The following TRERF1 variants were observed in gnomAD, a reference collection of about 807,000 sequenced individuals.
The protein encoded by TRERF1 is transcriptional regulating factor 1.
In TRERF1, 27 loss-of-function variants were observed where a neutral mutation model predicts 122.9. The ratio of observed to expected loss-of-function variants is 0.22; its 90% confidence interval spans 0.16 to 0.30. TRERF1 has a LOEUF of 0.30. Ranked by LOEUF, TRERF1 falls within the 10% of genes least tolerant of loss-of-function variation. The probability of loss-of-function intolerance (pLI) is 1.00; values close to 1 mark genes in which losing one functional copy is unlikely to be tolerated. For synonymous variants in TRERF1, 636 were observed against 641.7 expected, an observed-to-expected ratio of 0.99 and a Z score of 0.13; for missense variants, 1,248 against 1,560.3, an observed-to-expected ratio of 0.80 and a Z score of 3.37.
At chr6:42,376,198 A>G (rs1774824515) in intron 2 of TRERF1, among the ~76,000 whole-genome samples, 1 of 152,212 alleles carries the variant, frequency 6.6e-6, no homozygotes, top group African/African-American at 2.4e-5. Flanking sequence ...AACCTTTCAC[A>G]CATGCTTGCT....
chr6:42,330,670 T>C (rs1765090993), intron 3 of TRERF1, among the ~76,000 whole-genome samples: 1 of 152,174 alleles, frequency 6.6e-6, no homozygotes, highest in Non-Finnish European at 1.5e-5. Flanking sequence ...AACATTGTTG[T>C]ATTTTTTATT....
At chr6:42,348,243 T>TTTCTTTTTC (rs1282079784) in intron 3 of TRERF1, among the ~76,000 whole-genome samples, 1 of 151,816 alleles carries the variant, frequency 6.6e-6, no homozygotes, top group Non-Finnish European at 1.5e-5. Flanking sequence ...TTTTTTCTTT[T>TTTCTTTTTC]TTCTTTTTCT....
intron 2 of TRERF1, among the ~76,000 whole-genome samples, chr6:42,450,247 T>G (rs1292974926): frequency 6.6e-6 from 1 of 152,222 alleles, no homozygotes; most frequent in Non-Finnish European, 1.5e-5. Context: ...AGGTGGGTGC[T>G]AACTGGGACA....
intron 2 of TRERF1, among the ~76,000 whole-genome samples, chr6:42,438,750 A>G (rs1408399090): frequency 4.6e-5 from 7 of 152,246 alleles, no homozygotes; most frequent in Non-Finnish European, 1.0e-4. Flanking sequence ...TTTAAGCCCC[A>G]AAAGTGTCCT....
Position 42,268,441 on chromosome 6 carries a change from G to T in TRERF1, c.1150C>A (p.Gln384Lys). Residue 384 changes from glutamine (Q) to lysine (K), a missense_variant, in exon 5 of 18, where the codon CAG becomes AAG. Gln to Lys is a moderately conservative substitution (Grantham distance 53, BLOSUM62 1). Around this residue, in one of 5 missense-constraint regions of TRERF1, gnomAD observed 946 missense variants for 1,073.0 expected, o/e 0.88. Transcript: ENST00000372922. The surrounding 1 kb of genome is among the most constrained non-coding windows in gnomAD (Gnocchi z 4.4). ...TGGTAGAGGGGGTGGCTGTAGGGCTGCTGGGGCTCCTGGTAGTAGTACTGG... is the reference window on the plus strand; with the variant it reads ...TGGTAGAGGGGGTGGCTGTAGGGCTTCTGGGGCTCCTGGTAGTAGTACTGG... The T allele has an allele frequency of 4.4e-6, 7 of 1,579,260 alleles. No homozygotes were observed. Among genetic ancestry groups the T allele is most frequent in the Non-Finnish European group, 6.0e-6 (7 of 1,161,376 alleles).
At chr6:42,238,834 T>TAAACACACAC (rs1561800049) in intron 15 of TRERF1, among the ~76,000 whole-genome samples, 1 of 69,526 alleles carries the variant, frequency 1.4e-5, no homozygotes, top group African/African-American at 4.4e-5. Flanking sequence ...AATCATGCAT[T>TAAACACACAC]TCACACACAC....
Position 42,282,090 on chromosome 6 carries a change from T to C in TRERF1, c.-258-12242A>G, listed in dbSNP as rs539534015. Among the ~76,000 whole-genome samples the C allele has an allele frequency of 3.3e-5, 5 of 152,338 alleles. No homozygotes were observed. The East Asian group carries it at 9.6e-4, about 29-fold the overall frequency. On this transcript the variant is annotated intron_variant, in intron 4 of 17. Transcript: ENST00000372922. ...CCTCAGAATTCCCTTTCTAGGGAGT[T>C]GGTTAAAGCAGAGACTCATAGAAAA...
intron 2 of TRERF1, among the ~76,000 whole-genome samples, chr6:42,423,933 G>A (rs180690681): frequency 1.3e-5 from 2 of 152,296 alleles, no homozygotes; most frequent in Admixed American, 1.3e-4. Context: ...CCAAAACAAT[G>A]TAGTTTTAAG....
intron 14 of TRERF1, among the ~76,000 whole-genome samples, chr6:42,245,944 C>T (rs1246625571): frequency 5.3e-5 from 8 of 152,136 alleles, no homozygotes; most frequent in Non-Finnish European, 1.0e-4. Flanking sequence ...CCCGCCTCTA[C>T]TAAAAATACA....
intron 4 of TRERF1, among the ~76,000 whole-genome samples, chr6:42,290,685 GAAAA>G (rs888638860): frequency 8.2e-6 from 1 of 121,278 alleles, no homozygotes; most frequent in Non-Finnish European, 1.7e-5. Flanking sequence ...AGAGAAGAAG[GAAAA>G]AAAAAGCCAC....
intron 13 of TRERF1, among the ~76,000 whole-genome samples, chr6:42,249,522 TG>T (rs1245560822): frequency 6.6e-6 from 1 of 152,198 alleles, no homozygotes; most frequent in Admixed American, 6.5e-5. Flanking sequence ...CCAAACCTCG[TG>T]GGGGAAGGAG....
At position 42,393,799 on chromosome 6, in the gene TRERF1, C is replaced by T. The variant is rs1478632536; in HGVS notation, c.-453-30720G>A. On this transcript the variant is annotated intron_variant, in intron 2 of 17. Transcript: ENST00000372922. This position sits in a 1 kb window ranked among gnomAD's most constrained non-coding sequence, Gnocchi z 4.1. ...AGTCAGGTTTTAAAAGAGCAGTGTA[C>T]AACTAGGAAATCCTCACAATAGAGT... Among the ~76,000 whole-genome samples, 2 of 151,264 alleles carry T rather than the reference C, an allele frequency of 1.3e-5. No homozygotes were observed. Among genetic ancestry groups the T allele is most frequent in the Non-Finnish European group, 1.5e-5 (1 of 67,948 alleles).
At chr6:42,305,790 T>C (rs1434859199) in intron 3 of TRERF1, among the ~76,000 whole-genome samples, 1 of 151,962 alleles carries the variant, frequency 6.6e-6, no homozygotes, top group Admixed American at 6.6e-5. Flanking sequence ...AGGAATTAAA[T>C]GTGAGACAGG....
At chr6:42,429,351 C>T (rs1429838061) in intron 2 of TRERF1, among the ~76,000 whole-genome samples, 2 of 152,136 alleles carry the variant, frequency 1.3e-5, no homozygotes, top group African/African-American at 4.8e-5. Flanking sequence ...GTCTGGGAAG[C>T]CCTACTCACC....
chr6:42,360,306 T>G (rs1771471224), intron 3 of TRERF1, among the ~76,000 whole-genome samples: 1 of 152,230 alleles, frequency 6.6e-6, no homozygotes, highest in Non-Finnish European at 1.5e-5. Flanking sequence ...AACCCAGAAT[T>G]TGAGTTCAGT....
chr6:42,391,815 T>G (rs1176640406), intron 2 of TRERF1, among the ~76,000 whole-genome samples: 1 of 152,110 alleles, frequency 6.6e-6, no homozygotes, highest in Non-Finnish European at 1.5e-5. Flanking sequence ...TCTACCTAAT[T>G]TGAGTTTACC....
At chr6:42,374,663 T>G (rs985918676) in intron 2 of TRERF1, among the ~76,000 whole-genome samples, 1 of 152,114 alleles carries the variant, frequency 6.6e-6, no homozygotes, top group Non-Finnish European at 1.5e-5. Context: ...GGTCCTACCC[T>G]CACCCCCTAC....
intron 2 of TRERF1, among the ~76,000 whole-genome samples, chr6:42,404,016 G>T (rs1202912634): frequency 6.6e-6 from 1 of 152,086 alleles, no homozygotes; most frequent in Non-Finnish European, 1.5e-5. Context: ...CACTCCGTGG[G>T]TGCCTCTCCG....
intron 3 of TRERF1, among the ~76,000 whole-genome samples, chr6:42,324,212 T>G (rs187428790): frequency 9.5e-4 from 144 of 152,206 alleles, no homozygotes; most frequent in African/African-American, 3.2e-3. Flanking sequence ...AGGTGAAATA[T>G]CTCTACAAGA....
Sources: allele counts gnomAD v4.1 joint callset (sites outside exome capture counted in the v4.1 genomes callset), GRCh38; gene constraint gnomAD v4.1.1; regional missense constraint gnomAD v4.1.1; non-coding constraint Gnocchi (gnomAD v3.1); transcripts MANE v1.5; gene names NCBI Gene and HGNC (gene_info 2026-07-23, HGNC 2026-07-21).